Variants in CCL2 observed in about 807,000 individuals in gnomAD.
CCL2 encodes the protein C-C motif chemokine 2.
Under a neutral mutation model 6.7 loss-of-function variants are expected in CCL2, and 2 were observed. The ratio of observed to expected loss-of-function variants is 0.30; its 90% CI spans 0.12 to 0.94. CCL2 has a LOEUF of 0.94. CCL2 is among the 40% of genes least tolerant of loss of function. The probability of loss-of-function intolerance (pLI) is 0.54; values close to 1 mark genes in which losing one functional copy is unlikely to be tolerated. For missense variants in CCL2, 89 were observed against 119.3 expected, an observed-to-expected ratio of 0.75 and a Z score of 1.18; for synonymous variants, 43 against 45.2, an observed-to-expected ratio of 0.95 and a Z score of 0.19.
Position 34,256,913 on chromosome 17 carries a change from A to G in CCL2, c.*86A>G. 1.3e-6 allele frequency: 1 copy of G among 757,238 alleles called. No homozygotes were observed. The highest frequency in any genetic ancestry group is 2.2e-6 in the Non-Finnish European group (1 of 456,756). 46.9% of individuals were successfully genotyped at this position (757,238 alleles called of 1,614,324 possible). ...CACCCTGTTTTATTTTATTATAATGAATTTTGTTTGTTGATGTGAAACATT... is the reference window on the plus strand; with the variant it reads ...CACCCTGTTTTATTTTATTATAATGGATTTTGTTTGTTGATGTGAAACATT... On this transcript the variant is annotated 3_prime_UTR_variant, in exon 3 of 3. Coordinates refer to ENST00000225831, the MANE Select transcript of CCL2 (RefSeq NM_002982.4).
rs141271352 is a variant in CCL2 at position 34,255,332 on chromosome 17, C to G, written c.-18C>G. 6.2e-7 allele frequency: 1 copy of G among 1,612,064 alleles called. No individual in the cohort carries two copies. Among genetic ancestry groups the G allele is most frequent in the East Asian group, 2.2e-5 (1 of 44,840 alleles). Reference sequence around the variant, plus strand: ...AACATCCAATTCTCAAACTGAAGCTCGCACTCTCGCCTCCAGCATGAAAGT... The same window carrying G: ...AACATCCAATTCTCAAACTGAAGCTGGCACTCTCGCCTCCAGCATGAAAGT... On this transcript the variant is annotated 5_prime_UTR_variant, in exon 1 of 3. Transcript: ENST00000225831.
rs1907657998 is a variant in CCL2 at position 34,255,484 on chromosome 17, C to A, written c.76+59C>A. 7 of 1,416,338 alleles carry A rather than the reference C, an allele frequency of 4.9e-6. No individual in the cohort carries two copies. The Admixed American group carries it at 6.9e-5, about 14-fold the overall frequency. The allele number at this position is 1,416,338 out of a possible 1,614,324, so 87.7% of individuals were successfully genotyped here. A position where few individuals can be genotyped will look rare whatever the true frequency, so the allele number is the denominator to read the frequency against. On this transcript the variant is annotated intron_variant, in intron 1 of 2. Transcript: ENST00000225831. ...TGTCTTCTCTCTGAGTTATCATGGACCATCCAAGCAGACGTGGTACCCACA... is the reference window on the plus strand; with the variant it reads ...TGTCTTCTCTCTGAGTTATCATGGAACATCCAAGCAGACGTGGTACCCACA...
Position 34,255,335 on chromosome 17 carries a change from A to G in CCL2, c.-15A>G, listed in dbSNP as rs762750838. On this transcript the variant is annotated 5_prime_UTR_variant, in exon 1 of 3. Transcript: ENST00000225831. The stretch of plus-strand genomic sequence containing the variant: ...ATCCAATTCTCAAACTGAAGCTCGC[A>G]CTCTCGCCTCCAGCATGAAAGTCTC... The G allele has an allele frequency of 6.2e-7, 1 of 1,612,480 alleles. No individual in the cohort carries two copies. Among genetic ancestry groups the G allele is most frequent in the Non-Finnish European group, 8.5e-7 (1 of 1,179,062 alleles).
At chr17:34,255,552 A>G in intron 1 of CCL2, 127 bp downstream of exon 1, 1 of 803,684 alleles carries the variant, frequency 1.2e-6, no homozygotes, top group South Asian at 1.7e-5. Flanking sequence ...GTGACTCAGA[A>G]AAGGACAAGG....
chr17:34,256,115 C>T, intron 1 of CCL2, 107 bp from the exon 2 acceptor site: 1 of 731,064 alleles, frequency 1.4e-6, no homozygotes, highest in South Asian at 1.7e-5. Context: ...AGCTCTTTGT[C>T]TTCTCCTGCC....
chr17:34,256,122 T>C, intron 1 of CCL2, 100 bp from the exon 2 acceptor site: 1 of 756,498 alleles, frequency 1.3e-6, no homozygotes, highest in Non-Finnish European at 2.3e-6. Context: ...TGTCTTCTCC[T>C]GCCTGCCTTT....
Position 34,256,808 on chromosome 17 carries a change from C to T in CCL2, c.281C>T (p.Thr94Ile). The T allele has an allele frequency of 6.2e-7, 1 of 1,613,100 alleles. No homozygotes were observed. Residue 94 changes from threonine to isoleucine, a missense_variant, in exon 3 of 3, where the codon ACC (threonine) becomes ATC (isoleucine). Transcript: ENST00000225831. ...TCCATGGACCACCTGGACAAGCAAA[C>T]CCAAACTCCGAAGACTTGAACACTC... ...QDSMDHLDKQTQTPKT is the reference protein window; with the variant it reads ...QDSMDHLDKQIQTPKT
Position 34,256,999 on chromosome 17 carries a change from G to T in CCL2, c.*172G>T, listed in dbSNP as rs186178409. ...TGATGTTTTAAGTTTATCTTTCATG[G>T]TACTAGTGTTTTTTAGATACAGAGA... is the stretch of plus-strand genomic sequence containing the variant. On this transcript the variant is annotated 3_prime_UTR_variant, in exon 3 of 3. Transcript: ENST00000225831. 213 of 491,870 alleles carry T rather than the reference G, an allele frequency of 4.3e-4. No homozygotes were observed. The East Asian group carries it at 6.0e-3, about 14-fold the overall frequency. The allele number at this position is 491,870 out of a possible 1,614,324, so 30.5% of individuals were successfully genotyped here. A position where few individuals can be genotyped will look rare whatever the true frequency, so the allele number is the denominator to read the frequency against.
Position 34,255,353 on chromosome 17 carries a change from A to G in CCL2, c.4A>G (p.Lys2Glu), listed in dbSNP as rs898151976. 1.3e-5 allele frequency: 21 copies of G among 1,613,856 alleles called. No homozygotes were observed. Among genetic ancestry groups the G allele is most frequent in the Non-Finnish European group, 1.8e-5 (21 of 1,179,868 alleles). M[K>E]VSAALLCLLL... Reference sequence around the variant, plus strand: ...AGCTCGCACTCTCGCCTCCAGCATGAAAGTCTCTGCCGCCCTTCTGTGCCT... The same window carrying G: ...AGCTCGCACTCTCGCCTCCAGCATGGAAGTCTCTGCCGCCCTTCTGTGCCT... Residue 2 changes from lysine (K) to glutamate (E), a missense_variant, in exon 1 of 3, where the codon AAA becomes GAA. Lys to Glu is a moderately conservative substitution (Grantham distance 56, BLOSUM62 1). Coordinates refer to ENST00000225831, the MANE Select transcript of CCL2 (RefSeq NM_002982.4).
chr17:34,256,856 A>G lies in CCL2; in HGVS notation c.*29A>G. ...CTCACTCCACAACCCAAGAATCTGC[A>G]GCTAACTTATTTTCCCCTAGCTTTC... On this transcript the variant is annotated 3_prime_UTR_variant, in exon 3 of 3. Coordinates refer to ENST00000225831, the MANE Select transcript of CCL2 (RefSeq NM_002982.4). The G allele has an allele frequency of 7.0e-7, 1 of 1,426,336 alleles. No homozygotes were observed. Among genetic ancestry groups the G allele is most frequent in the Non-Finnish European group, 9.9e-7 (1 of 1,013,410 alleles). The allele number at this position is 1,426,336 out of a possible 1,614,324, so 88.4% of individuals were successfully genotyped here.
chr17:34,256,437 CTTA>C, intron 2 of CCL2, 98 bp downstream of exon 2: 1 of 835,942 alleles, frequency 1.2e-6, no homozygotes, highest in Middle Eastern at 2.4e-4. Flanking sequence ...CACTATTTAA[CTTA>C]ATGTACAAAG....
chr17:34,255,908 T>C (rs1470880149), intron 1 of CCL2: 1 of 297,990 alleles, frequency 3.4e-6, no homozygotes, highest in African/African-American at 2.2e-5. Flanking sequence ...CCCCAGCTGA[T>C]CTTCCCTGGT....
In CCL2 at chr17:34,255,790, T is replaced by C. The variant is rs1227403876; in HGVS notation, c.76+365T>C. On this transcript the variant is annotated intron_variant, in intron 1 of 2. Transcript: ENST00000225831. ...ACCCAGAATCTGGTCTGTGCTTCAT[T>C]CACCTTAGCTTCCAGAGACGGTGAC... The C allele has an allele frequency of 2.5e-5, 7 of 275,612 alleles. No homozygotes were observed. The East Asian group carries it at 5.1e-4, about 20-fold the overall frequency. 17.1% of individuals were successfully genotyped at this position (275,612 alleles called of 1,614,324 possible). A position where few individuals can be genotyped will look rare whatever the true frequency, so the allele number is the denominator to read the frequency against.
In CCL2 at chr17:34,256,308, A is replaced by T. The variant is rs752406037; in HGVS notation, c.163A>T (p.Thr55Ser). 7 of 1,613,556 alleles carry T rather than the reference A, an allele frequency of 4.3e-6. No homozygotes were observed. The highest frequency in any genetic ancestry group is 1.1e-5 in the South Asian group (1 of 91,064). Residue 55 changes from threonine to serine, a missense_variant, in exon 2 of 3, where the codon ACC becomes TCC. Coordinates refer to ENST00000225831, the MANE Select transcript of CCL2 (RefSeq NM_002982.4). ...GAGGCTCGCGAGCTATAGAAGAATC[A>T]CCAGCAGCAAGTGTCCCAAAGAAGC... Reference protein sequence around the residue: ...VQRLASYRRITSSKCPKEAVI... With the variant: ...VQRLASYRRISSSKCPKEAVI...
rs1451763977 is a variant in CCL2 at position 34,256,891 on chromosome 17, C to A, written c.*64C>A. 3.0e-6 allele frequency: 3 copies of A among 994,232 alleles called. No homozygotes were observed. Among genetic ancestry groups the A allele is most frequent in the African/African-American group, 1.6e-5 (1 of 61,814 alleles). 61.6% of individuals were successfully genotyped at this position (994,232 alleles called of 1,614,324 possible). A position where few individuals can be genotyped will look rare whatever the true frequency, so the allele number is the denominator to read the frequency against. On this transcript the variant is annotated 3_prime_UTR_variant, in exon 3 of 3. Coordinates refer to ENST00000225831, the MANE Select transcript of CCL2 (RefSeq NM_002982.4). ...TTTTCCCCTAGCTTTCCCCAGACAC[C>A]CTGTTTTATTTTATTATAATGAATT...
chr17:34,255,619 T>G, intron 1 of CCL2, 194 bp downstream of exon 1: 1 of 554,344 alleles, frequency 1.8e-6, no homozygotes, highest in Non-Finnish European at 3.2e-6. Context: ...ATTCCAGCTG[T>G]GAACCCCAAA....
At chr17:34,256,661 C>A in intron 2 of CCL2, 61 bp from the exon 3 acceptor site, 2 of 1,185,966 alleles carry the variant, frequency 1.7e-6, no homozygotes, top group Non-Finnish European at 2.5e-6. Context: ...GCAGAATGGG[C>A]TGCACTTCTA....
rs536851983 is a variant in CCL2, at chr17:34,257,110, A to AT, written c.*291dup. On this transcript the variant is annotated 3_prime_UTR_variant, in exon 3 of 3. Transcript: ENST00000225831. The stretch of plus-strand genomic sequence containing the variant: ...TTTGCAAGAATCATTAATACAAAGA[A>AT]TTTTTTTTAACATTCCAATGCATTG... 196 of 237,802 alleles carry AT rather than the reference A, an allele frequency of 8.2e-4. No homozygotes were observed. Among genetic ancestry groups the AT allele is most frequent in the Non-Finnish European group, 1.3e-3 (156 of 123,624 alleles). The allele number at this position is 237,802 out of a possible 1,614,324, so 14.7% of individuals were successfully genotyped here.
intron 1 of CCL2, chr17:34,255,750 C>T: frequency 9.3e-6 from 3 of 323,134 alleles, no homozygotes; most frequent in Non-Finnish European, 1.7e-5. Context: ...TAGGCTGTTT[C>T]CAGACACGCT....
Sources: allele counts gnomAD v4.1 joint callset, GRCh38; gene constraint gnomAD v4.1.1; transcripts MANE v1.5; gene names NCBI Gene and HGNC (gene_info 2026-07-23, HGNC 2026-07-21).